The following FKBP15 variants were observed in gnomAD, a reference collection of about 807,000 sequenced individuals.
FKBP15 encodes FK506-binding protein 15.
Under a neutral mutation model 158.1 loss-of-function variants are expected in FKBP15, and 106 were observed. The ratio of observed to expected loss-of-function variants is 0.67; its 90% CI spans 0.57 to 0.79. The LOEUF is 0.79. FKBP15 is among the 30% of genes least tolerant of loss of function. The probability of loss-of-function intolerance (pLI) is 0.00; values close to 1 mark genes in which losing one functional copy is unlikely to be tolerated. For missense variants in FKBP15, 1,287 were observed against 1,479.1 expected, an observed-to-expected ratio of 0.87 and a Z score of 2.13; for synonymous variants, 547 against 548.6, an observed-to-expected ratio of 1.00 and a Z score of 0.04.
intron 1 of FKBP15, among the ~76,000 whole-genome samples, chr9:113,211,932 T>TC (rs1180681468): frequency 6.6e-6 from 1 of 152,184 alleles, no homozygotes; most frequent in Non-Finnish European, 1.5e-5. Context: ...TCAGGTGCTC[T>TC]CTATGGTATC....
At position 113,186,215 on chromosome 9, in the gene FKBP15, C is replaced by T. The variant is rs188966240; in HGVS notation, c.1498+34G>A. The stretch of plus-strand genomic sequence containing the variant: ...AAGAAGAGGGAAAGCACAGCAAGAG[C>T]GGAAGATGAGAAACTGAGGGAATTA... On this transcript the variant is annotated intron_variant, in intron 15 of 27. Transcript: ENST00000238256. The T allele has an allele frequency of 2.9e-5, 42 of 1,434,864 alleles. No homozygotes were observed. In the Admixed American group the frequency reaches 6.1e-4, roughly 21 times the overall value. 88.9% of individuals were successfully genotyped at this position (1,434,864 alleles called of 1,614,324 possible).
chr9:113,170,000 T>A, intron 25 of FKBP15, 58 bp from the exon 26 acceptor site: 1 of 1,470,620 alleles, frequency 6.8e-7, no homozygotes, highest in Non-Finnish European at 9.0e-7. Flanking sequence ...CCACTCCTAA[T>A]TCTTATTAAC....
At chr9:113,191,472 A>AGTGT (rs890069390) in intron 11 of FKBP15, among the ~76,000 whole-genome samples, 3 of 151,790 alleles carry the variant, frequency 2.0e-5, no homozygotes, top group African/African-American at 7.3e-5. Context: ...CTATACTGGG[A>AGTGT]GTGTGTGCTT....
chr9:113,190,570 A>G lies in FKBP15; in HGVS notation c.1074T>C (p.Asp358=). The change falls in exon 12 of 28, where the codon GAT becomes GAC. Residue 358 remains aspartate (D), a synonymous_variant. Coordinates refer to ENST00000238256, the MANE Select transcript of FKBP15 (RefSeq NM_015258.2). Reference sequence around the variant, plus strand: ...GAGAGATCAACTTGGCTTTGACTGCATCGGGACTCTAAAAAGAGAGGAAAG... The same window carrying G: ...GAGAGATCAACTTGGCTTTGACTGCGTCGGGACTCTAAAAAGAGAGGAAAG... ...SEQLAINTSP[D]AVKAKLISRM... 1.9e-6 allele frequency: 3 copies of G among 1,608,686 alleles called. No homozygotes were observed. Among genetic ancestry groups the G allele is most frequent in the African/African-American group, 1.3e-5 (1 of 75,006 alleles).
chr9:113,183,621 C>T (rs908568331), intron 18 of FKBP15, 130 bp downstream of exon 18: 1 of 638,196 alleles, frequency 1.6e-6, no homozygotes, highest in East Asian at 2.7e-5. Flanking sequence ...CAATAATTCA[C>T]ATGACAGGCA....
Position 113,207,286 on chromosome 9 carries a change from T to C in FKBP15, c.180A>G (p.Ala60=). 8.7e-6 allele frequency: 14 copies of C among 1,612,588 alleles called. No individual in the cohort carries two copies. The highest frequency in any genetic ancestry group is 1.2e-5 in the Non-Finnish European group (14 of 1,179,468). ...GQGTAATGNQ[A]TPKTAPATMS... ...TGGTGGCTGGTGCTGTTTTTGGTGT[T>C]GCCTGATTTCCTGAAGATGAACAAG... Residue 60 remains alanine, a synonymous_variant, in exon 3 of 28, where the codon GCA becomes GCG. Transcript: ENST00000238256.
intron 1 of FKBP15, among the ~76,000 whole-genome samples, chr9:113,218,616 T>C (rs1356864836): frequency 6.6e-6 from 1 of 152,094 alleles, no homozygotes; most frequent in Non-Finnish European, 1.5e-5. Flanking sequence ...GGTGAAAGCA[T>C]GCTTGATTGA....
intron 21 of FKBP15, 117 bp downstream of exon 21, chr9:113,176,420 C>A: frequency 8.1e-7 from 1 of 1,231,370 alleles, no homozygotes; most frequent in Non-Finnish European, 1.1e-6. Flanking sequence ...TTTAATTTTA[C>A]ACTTTTCTAT....
At chr9:113,179,150 C>T (rs1830347752) in intron 19 of FKBP15, among the ~76,000 whole-genome samples, 1 of 152,038 alleles carries the variant, frequency 6.6e-6, no homozygotes, top group African/African-American at 2.4e-5. Flanking sequence ...CCACCTCAGC[C>T]TCTGGAGTAG....
At chr9:113,177,445 C>CA (rs1466578617) in intron 20 of FKBP15, among the ~76,000 whole-genome samples, 1 of 152,192 alleles carries the variant, frequency 6.6e-6, no homozygotes, top group Non-Finnish European at 1.5e-5. Context: ...AAATCTAAGA[C>CA]TGTCTAACAC....
At chr9:113,217,693 T>C (rs535778548) in intron 1 of FKBP15, among the ~76,000 whole-genome samples, 225 of 152,010 alleles carry the variant, frequency 1.5e-3, no homozygotes, top group Non-Finnish European at 2.4e-3. Flanking sequence ...AATTAAAAAT[T>C]AGCCAGGCGT....
In FKBP15 at chr9:113,183,860, T is replaced by A. The variant is rs749591477; in HGVS notation, c.1717-15A>T. 6.3e-7 allele frequency: 1 copy of A among 1,586,034 alleles called. No homozygotes were observed. The highest frequency in any genetic ancestry group is 8.7e-7 in the Non-Finnish European group (1 of 1,155,572). On this transcript the variant is annotated splice_polypyrimidine_tract_variant and intron_variant, in intron 17 of 27. Coordinates refer to ENST00000238256, the MANE Select transcript of FKBP15 (RefSeq NM_015258.2). ...CTTTCATTTTCCTAATTTCAAAATA[T>A]ATGATGTACAATTTAAGTGTCTTGG... is the stretch of plus-strand genomic sequence containing the variant.
At chr9:113,182,705 TG>T in intron 19 of FKBP15, 60 bp downstream of exon 19, 1 of 1,361,332 alleles carries the variant, frequency 7.3e-7, no homozygotes, top group Non-Finnish European at 1.1e-6. Context: ...AGTATGTACA[TG>T]GGACCATTCC....
In FKBP15 at chr9:113,194,098, G is replaced by A. The variant is rs745336699; in HGVS notation, c.936C>T (p.Pro312=). Residue 312 remains proline (P), a synonymous_variant, in exon 10 of 28, where the codon CCC becomes CCT. Coordinates refer to ENST00000238256, the MANE Select transcript of FKBP15 (RefSeq NM_015258.2). ...VSSRDSAAPS[P]IPGADNLSAD... ...CAGAGAGGTTGTCAGCACCAGGGAT[G>A]GGAGACGGAGCTGCAGAATCGCGGG... 3.7e-6 allele frequency: 6 copies of A among 1,613,508 alleles called. No individual in the cohort carries two copies.
At chr9:113,185,106 G>A (rs144691889) in intron 15 of FKBP15, among the ~76,000 whole-genome samples, 94 of 152,288 alleles carry the variant, frequency 6.2e-4, no homozygotes, top group East Asian at 5.2e-3. Flanking sequence ...TTACTTTCCC[G>A]TTCATCCAAC....
In FKBP15 at chr9:113,184,161, A is replaced by G. The variant is rs1830447018; in HGVS notation, c.1716+131T>C. On this transcript the variant is annotated intron_variant, in intron 17 of 27. Transcript: ENST00000238256. The surrounding 1 kb of genome is among the most constrained non-coding windows in gnomAD (Gnocchi z 4.5). ...AGAATTAAGCCATAATGGATTTTCT[A>G]GAATTGTCTAACCCAGTGTAGCGTT... The G allele has an allele frequency of 6.1e-6, 4 of 653,418 alleles. No homozygotes were observed. The highest frequency in any genetic ancestry group is 8.1e-6 in the Non-Finnish European group (3 of 371,836). The allele number at this position is 653,418 out of a possible 1,614,324, so 40.5% of individuals were successfully genotyped here.
chr9:113,183,915 C>A (rs1036540260), intron 17 of FKBP15, 70 bp from the exon 18 acceptor site: 5 of 1,101,908 alleles, frequency 4.5e-6, no homozygotes, highest in East Asian at 4.7e-5. Flanking sequence ...AGAGAATCAA[C>A]TTGAACTGAC....
chr9:113,167,255 T>C (rs933072299), intron 27 of FKBP15, among the ~76,000 whole-genome samples: 2 of 152,188 alleles, frequency 1.3e-5, no homozygotes, highest in African/African-American at 2.4e-5. Context: ...ACCTACCTCA[T>C]TGGATTAGTA....
At chr9:113,169,174 T>A in intron 26 of FKBP15, 50 bp downstream of exon 26, 1 of 1,545,796 alleles carries the variant, frequency 6.5e-7, no homozygotes. Context: ...ACAGAGACAC[T>A]CACCACAGAT....
Sources: gnomAD v4.1 joint callset for allele counts (sites outside exome capture counted in the v4.1 genomes callset) on GRCh38, gnomAD v4.1.1 for gene constraint, Gnocchi (gnomAD v3.1) non-coding constraint, MANE v1.5 for transcripts, NCBI Gene and HGNC (gene_info 2026-07-23, HGNC 2026-07-21) for gene names.